Variants in BTG4 observed in about 807,000 individuals in gnomAD.
BTG4 encodes the protein protein BTG4.
A neutral mutation model predicts 19.3 loss-of-function variants in BTG4; 10 were observed. That is an observed-to-expected ratio of 0.52 (90% CI 0.32 to 0.88). BTG4 has a LOEUF of 0.88. Among genes scored for constraint, BTG4 ranks in the 40% least tolerant of loss-of-function variants. The pLI is 0.04. For missense variants in BTG4, 238 were observed against 281.9 expected, an observed-to-expected ratio of 0.84 and a Z score of 1.11; for synonymous variants, 91 against 95.7, an observed-to-expected ratio of 0.95 and a Z score of 0.29.
At chr11:111,456,078 G>A in the BTG4 span, among the ~76,000 whole-genome samples, 4 of 152,218 alleles carry the variant, frequency 2.6e-5, no homozygotes, top group Non-Finnish European at 4.4e-5. The surrounding 1 kb of genome is among the most constrained non-coding windows in gnomAD (Gnocchi z 4.2). Flanking sequence ...AAGGAGCCTC[G>A]AAAGTGGGAA....
the BTG4 span, among the ~76,000 whole-genome samples, chr11:111,389,214 T>C: frequency 1.3e-5 from 2 of 152,056 alleles, no homozygotes; most frequent in Non-Finnish European, 2.9e-5. Context: ...ACTTCTGTAA[T>C]TTGGTGGGAA....
At chr11:111,426,641 G>A in the BTG4 span, among the ~76,000 whole-genome samples, 1 of 151,972 alleles carries the variant, frequency 6.6e-6, no homozygotes, top group East Asian at 1.9e-4. Context: ...TGCTACCAGA[G>A]CCCAGGCCGG....
chr11:111,512,020 G>A (rs574163770), intron 1 of BTG4, among the ~76,000 whole-genome samples, 161 bp downstream of exon 1: 3 of 152,212 alleles, frequency 2.0e-5, no homozygotes, highest in South Asian at 4.2e-4. Flanking sequence ...TGACTAGAAG[G>A]CCCAGGCTTC....
the BTG4 span, among the ~76,000 whole-genome samples, chr11:111,434,171 C>T: frequency 1.3e-5 from 2 of 152,158 alleles, no homozygotes; most frequent in African/African-American, 4.8e-5. Context: ...CAATGATAGA[C>T]TGGATAAAGA....
chr11:111,483,453 C>T (rs1021993080), intron 5 of BTG4, among the ~76,000 whole-genome samples: 1 of 152,066 alleles, frequency 6.6e-6, no homozygotes, highest in Non-Finnish European at 1.5e-5. Flanking sequence ...GAATCACCAC[C>T]TTGAGGAAGC....
chr11:111,398,080 C>G, the BTG4 span: 1 of 152,174 alleles, frequency 6.6e-6, no homozygotes. Context: ...TAGTCACGAC[C>G]ACCATCACCA....
At chr11:111,384,384 C>T in the BTG4 span, among the ~76,000 whole-genome samples, 1 of 151,776 alleles carries the variant, frequency 6.6e-6, no homozygotes, top group Non-Finnish European at 1.5e-5. Flanking sequence ...AAAACAAACA[C>T]TTGGATACGT....
At chr11:111,467,695 T>C (rs779745416) in intron 5 of BTG4, 1 of 755,064 alleles carries the variant, frequency 1.3e-6, no homozygotes, top group South Asian at 1.5e-5. Context: ...GGGTCCAGTA[T>C]AGATAAATGA....
chr11:111,500,440 A>G (rs1865998437), intron 1 of BTG4, among the ~76,000 whole-genome samples: 1 of 152,202 alleles, frequency 6.6e-6, no homozygotes, highest in Non-Finnish European at 1.5e-5. Context: ...TTCTGTGTGG[A>G]GCCAAATCTA....
At chr11:111,391,956 T>C in the BTG4 span, among the ~76,000 whole-genome samples, 1 of 152,136 alleles carries the variant, frequency 6.6e-6, no homozygotes, top group Admixed American at 6.5e-5. Flanking sequence ...GAAAGCTTCG[T>C]GTCTCTGCAT....
the BTG4 span, among the ~76,000 whole-genome samples, chr11:111,428,651 C>T: frequency 6.6e-6 from 1 of 152,204 alleles, no homozygotes; most frequent in East Asian, 1.9e-4. Context: ...AATGTTAGGT[C>T]CTATCTCTGA....
At chr11:111,392,169 CTTTTT>C in the BTG4 span, among the ~76,000 whole-genome samples, 2 of 85,396 alleles carry the variant, frequency 2.3e-5, no homozygotes, top group Non-Finnish European at 4.3e-5. Context: ...CTGTGATTTT[CTTTTT>C]TTTTTTTTTT....
chr11:111,505,256 T>C (rs937629825), intron 1 of BTG4, among the ~76,000 whole-genome samples: 1 of 152,026 alleles, frequency 6.6e-6, no homozygotes, highest in Non-Finnish European at 1.5e-5. Context: ...ATGGTACTAG[T>C]ACAAAAATAA....
the BTG4 span, chr11:111,414,869 C>T: frequency 2.0e-5 from 3 of 152,266 alleles, no homozygotes; most frequent in Non-Finnish European, 4.4e-5. Flanking sequence ...CCTGAAGTCG[C>T]TGGAGATACC....
the BTG4 span, among the ~76,000 whole-genome samples, chr11:111,405,681 T>G: frequency 6.6e-6 from 1 of 152,170 alleles, no homozygotes. Flanking sequence ...GCTTATAAAA[T>G]GTACATGCTC....
At chr11:111,439,513 C>T in the BTG4 span, among the ~76,000 whole-genome samples, 3 of 152,042 alleles carry the variant, frequency 2.0e-5, no homozygotes, top group South Asian at 2.1e-4. Flanking sequence ...TGCCCCCCAC[C>T]GCCCTCTACT....
the BTG4 span, among the ~76,000 whole-genome samples, chr11:111,396,495 T>C: frequency 6.6e-6 from 1 of 152,194 alleles, no homozygotes; most frequent in Non-Finnish European, 1.5e-5. Context: ...CACTACCCCC[T>C]TGTTTTTTGT....
Position 111,494,867 on chromosome 11 carries a change from G to A in BTG4, c.*268C>T, listed in dbSNP as rs928762652. 1 of 979,472 alleles carries A rather than the reference G, an allele frequency of 1.0e-6. No individual in the cohort carries two copies. The highest frequency in any genetic ancestry group is 1.8e-5 in the African/African-American group (1 of 57,050). The allele number at this position is 979,472 out of a possible 1,614,324, so 60.7% of individuals were successfully genotyped here. A position where few individuals can be genotyped will look rare whatever the true frequency, so the allele number is the denominator to read the frequency against. ...ACCATTACTTTTCATAATTCATTGA[G>A]TCTTATTAGAGGTCAACATCTTCAT... is the stretch of plus-strand genomic sequence containing the variant. On this transcript the variant is annotated 3_prime_UTR_variant, in exon 5 of 5. Transcript: ENST00000692032.
downstream of BTG4, among the ~76,000 whole-genome samples, chr11:111,492,339 T>C (rs1174137581): frequency 6.6e-6 from 1 of 152,238 alleles, no homozygotes; most frequent in Non-Finnish European, 1.5e-5. Context: ...AAATATTATG[T>C]TGCATTTTTT....
Sources: gnomAD v4.1 joint callset for allele counts (sites outside exome capture counted in the v4.1 genomes callset) on GRCh38, gnomAD v4.1.1 for gene constraint, Gnocchi (gnomAD v3.1) non-coding constraint, MANE v1.5 for transcripts, NCBI Gene and HGNC (gene_info 2026-07-23, HGNC 2026-07-21) for gene names.